GTF2B: variants seen among roughly 807,000 people sequenced by gnomAD.
The protein encoded by GTF2B is general transcription factor IIB.
A neutral mutation model predicts 34.6 loss-of-function variants in GTF2B; 20 were observed. That is an observed-to-expected ratio of 0.58 (90% CI 0.41 to 0.84). The LOEUF is 0.84. Among genes scored for constraint, GTF2B ranks in the 40% least tolerant of loss-of-function variants. The pLI, the probability that GTF2B is intolerant of heterozygous loss-of-function variation, is 0.00. For missense variants in GTF2B, 237 were observed against 393.3 expected (o/e 0.60, Z 3.36); for synonymous variants, 142 against 132.4 (o/e 1.07, Z -0.50).
At chr1:88,864,258 C>T in intron 2 of GTF2B, 144 bp from the exon 3 acceptor site, 1 of 671,742 alleles carries the variant, frequency 1.5e-6, no homozygotes, top group South Asian at 1.8e-5. Flanking sequence ...ACATTTCAGA[C>T]ATTTGTCCTA....
At chr1:88,879,516 G>A (rs933374174) in intron 2 of GTF2B, among the ~76,000 whole-genome samples, 2 of 151,780 alleles carry the variant, frequency 1.3e-5, no homozygotes, top group Non-Finnish European at 2.9e-5. Context: ...CCTGGGAGGT[G>A]GAGGTTGCAG....
intron 2 of GTF2B, among the ~76,000 whole-genome samples, chr1:88,864,977 C>A (rs139641997): frequency 4.1e-4 from 62 of 152,322 alleles, no homozygotes; most frequent in Middle Eastern, 3.4e-3. Context: ...TTGTTCTACA[C>A]TCCAATTGTA....
chr1:88,884,583 C>A (rs1165665224), intron 2 of GTF2B, among the ~76,000 whole-genome samples: 1 of 152,232 alleles, frequency 6.6e-6, no homozygotes, highest in Non-Finnish European at 1.5e-5. Flanking sequence ...AAATGGCTTT[C>A]CTTGCTTGGC....
intron 2 of GTF2B, among the ~76,000 whole-genome samples, chr1:88,873,709 T>C (rs1427373511): frequency 6.6e-6 from 1 of 152,188 alleles, no homozygotes; most frequent in Non-Finnish European, 1.5e-5. Context: ...CTGTTGGTAA[T>C]TTCCTTTATC....
chr1:88,887,462 C>T (rs1674101878), intron 1 of GTF2B, 95 bp from the exon 2 acceptor site: 6 of 770,546 alleles, frequency 7.8e-6, no homozygotes, highest in Middle Eastern at 2.4e-4. Flanking sequence ...AGATTGTGAA[C>T]GTTTTTTCAT....
chr1:88,859,095 T>C (rs759176327), intron 5 of GTF2B, among the ~76,000 whole-genome samples: 13 of 152,120 alleles, frequency 8.5e-5, no homozygotes. Context: ...CTTGAACTCC[T>C]GGCCTCATGA....
chr1:88,871,426 C>T (rs939918949), intron 2 of GTF2B, among the ~76,000 whole-genome samples: 1 of 152,144 alleles, frequency 6.6e-6, no homozygotes, highest in African/African-American at 2.4e-5. Flanking sequence ...GGATCTTTAT[C>T]ACCTGAGATA....
intron 2 of GTF2B, among the ~76,000 whole-genome samples, chr1:88,867,487 C>G (rs980256251): frequency 6.6e-6 from 1 of 152,104 alleles, no homozygotes; most frequent in Non-Finnish European, 1.5e-5. Flanking sequence ...AATAAAAACA[C>G]AAACATGCAT....
chr1:88,853,065 T>C lies in GTF2B; in HGVS notation c.*148A>G. On this transcript the variant is annotated 3_prime_UTR_variant, in exon 7 of 7. Coordinates refer to ENST00000370500, the MANE Select transcript of GTF2B (RefSeq NM_001514.6). Reference sequence around the variant, plus strand: ...TAAATATGTTTCACTAGTATATACATACAGAATGCCAAGCAATAGTATTCA... The same window carrying C: ...TAAATATGTTTCACTAGTATATACACACAGAATGCCAAGCAATAGTATTCA... 2.7e-6 allele frequency: 2 copies of C among 731,314 alleles called. No homozygotes were observed. The highest frequency in any genetic ancestry group is 2.6e-4 in the Middle Eastern group (1 of 3,850). The allele number at this position is 731,314 out of a possible 1,614,324, so 45.3% of individuals were successfully genotyped here.
chr1:88,860,324 G>C (rs954719283), intron 3 of GTF2B, 38 bp from the exon 4 acceptor site: 1 of 1,510,256 alleles, frequency 6.6e-7, no homozygotes, highest in African/African-American at 1.4e-5. Context: ...AAATTTTTTG[G>C]AAAGCATGAA....
rs56745053 is a variant in GTF2B, at chr1:88,884,023, CTT to C, written c.124+3236_124+3237del. On this transcript the variant is annotated intron_variant, in intron 2 of 6. Transcript: ENST00000370500. The stretch of plus-strand genomic sequence containing the variant: ...GTTCTTCTGTCAAGCTCAGCACTGA[CTT>C]TTTTTTTTTTTTTTTTTTTTGAGAC... 6.3e-3 allele frequency among the ~76,000 whole-genome samples: 705 copies of C among 111,088 alleles called. 1 individual carries two copies. The highest frequency in any genetic ancestry group is 0.054 in the South Asian group (198 of 3,688). 72.9% of individuals were successfully genotyped at this position (111,088 alleles called of 152,430 possible). A position where few individuals can be genotyped will look rare whatever the true frequency, so the allele number is the denominator to read the frequency against.
chr1:88,890,450 C>T (rs1429581236), intron 1 of GTF2B, among the ~76,000 whole-genome samples: 1 of 152,210 alleles, frequency 6.6e-6, no homozygotes, highest in Non-Finnish European at 1.5e-5. Context: ...ATGGCTTTCA[C>T]TGTGAAATTA....
intron 2 of GTF2B, among the ~76,000 whole-genome samples, chr1:88,876,465 A>T (rs1008048464): frequency 1.3e-5 from 2 of 152,188 alleles, no homozygotes; most frequent in Admixed American, 1.3e-4. Flanking sequence ...TGAGCCCAGG[A>T]GTTCGAGATC....
chr1:88,861,876 G>A (rs1228995105), intron 3 of GTF2B, among the ~76,000 whole-genome samples: 2 of 152,086 alleles, frequency 1.3e-5, no homozygotes, highest in African/African-American at 4.8e-5. Flanking sequence ...GAATCCAACA[G>A]GGTATTAAAA....
intron 2 of GTF2B, among the ~76,000 whole-genome samples, chr1:88,871,676 G>A (rs1227156656): frequency 6.6e-6 from 1 of 152,172 alleles, no homozygotes; most frequent in South Asian, 2.1e-4. Flanking sequence ...AAGATAATTT[G>A]GCACTGTATT....
intron 2 of GTF2B, among the ~76,000 whole-genome samples, chr1:88,873,926 T>C (rs914854570): frequency 2.6e-5 from 4 of 152,136 alleles, no homozygotes; most frequent in Non-Finnish European, 4.4e-5. Flanking sequence ...TCAGGGACTC[T>C]TACTAATGAA....
intron 1 of GTF2B, among the ~76,000 whole-genome samples, chr1:88,889,051 G>A (rs1674135767): frequency 6.6e-6 from 1 of 152,188 alleles, no homozygotes. Flanking sequence ...GCAAGGTAGT[G>A]AATGGAGTTT....
At chr1:88,875,121 G>A (rs1363677801) in intron 2 of GTF2B, among the ~76,000 whole-genome samples, 2 of 152,068 alleles carry the variant, frequency 1.3e-5, no homozygotes, top group African/African-American at 4.8e-5. Flanking sequence ...CATTCTTACT[G>A]AAATTTTGCA....
chr1:88,874,497 ATT>A (rs56331310), intron 2 of GTF2B, among the ~76,000 whole-genome samples: 4,115 of 83,474 alleles, frequency 0.049, 183 homozygotes, highest in South Asian at 0.14. Flanking sequence ...AGCTAATTAA[ATT>A]TTTTTTTTTT....
Sources: allele counts gnomAD v4.1 joint callset (sites outside exome capture counted in the v4.1 genomes callset), GRCh38; gene constraint gnomAD v4.1.1; transcripts MANE v1.5; gene names NCBI Gene and HGNC (gene_info 2026-07-23, HGNC 2026-07-21).